OC90: variants seen among roughly 807,000 people sequenced by gnomAD.
OC90 encodes the protein otoconin 90.
OC90 carries 46 observed loss-of-function variants against 47.3 expected under a neutral mutation model. The ratio of observed to expected loss-of-function variants is 0.97; its 90% CI spans 0.77 to 1.24. The LOEUF is 1.24. Ranked by LOEUF, OC90 falls within the 50% of genes most tolerant of loss-of-function variation. The pLI is 0.00. For missense variants in OC90, 688 were observed against 583.9 expected (o/e 1.18, Z -1.84); for synonymous variants, 271 against 219.5 (o/e 1.23, Z -2.07).
At chr8:132,050,147 A>G (rs548978544) in intron 2 of OC90, among the ~76,000 whole-genome samples, 1 of 150,468 alleles carries the variant, frequency 6.6e-6, no homozygotes, top group Admixed American at 6.7e-5. Flanking sequence ...TCATTACAGA[A>G]GCTTTCTAGG....
intron 9 of OC90, 105 bp downstream of exon 9, chr8:132,037,333 C>T: frequency 2.1e-6 from 2 of 946,840 alleles, no homozygotes; most frequent in Admixed American, 2.0e-5. Flanking sequence ...CGGTGCTGTT[C>T]TTGTGATAGT....
chr8:132,025,551 A>C (rs1045686236), intron 13 of OC90, among the ~76,000 whole-genome samples: 1 of 152,222 alleles, frequency 6.6e-6, no homozygotes, highest in Non-Finnish European at 1.5e-5. Flanking sequence ...GTCATTGTGC[A>C]TGCAGTGATT....
intron 12 of OC90, among the ~76,000 whole-genome samples, chr8:132,030,233 A>G (rs1822854022): frequency 6.6e-6 from 1 of 152,222 alleles, no homozygotes; most frequent in South Asian, 2.1e-4. Context: ...ATATAAATCA[A>G]AATACTCATA....
At chr8:132,055,881 CATT>C (rs1823273926) in intron 1 of OC90, among the ~76,000 whole-genome samples, 1 of 152,008 alleles carries the variant, frequency 6.6e-6, no homozygotes, top group African/African-American at 2.4e-5. Flanking sequence ...CTAGCCAATC[CATT>C]ATATGTTTAA....
At chr8:132,051,532 C>G (rs992681475) in intron 2 of OC90, among the ~76,000 whole-genome samples, 1 of 152,168 alleles carries the variant, frequency 6.6e-6, no homozygotes, top group Admixed American at 6.5e-5. Flanking sequence ...GTTTTGTTAC[C>G]AGGAGCAAAG....
intron 3 of OC90, among the ~76,000 whole-genome samples, chr8:132,045,053 T>C (rs1823112255): frequency 6.6e-6 from 1 of 152,232 alleles, no homozygotes; most frequent in Admixed American, 6.5e-5. Context: ...CCTGCTGGCA[T>C]GCTGTGTTCC....
intron 4 of OC90, 135 bp downstream of exon 4, chr8:132,044,298 G>A (rs1823101148): frequency 4.7e-6 from 3 of 635,348 alleles, no homozygotes; most frequent in Non-Finnish European, 8.5e-6. Context: ...CGGAACTTGG[G>A]TCTCCTTGTT....
intron 13 of OC90, among the ~76,000 whole-genome samples, chr8:132,027,265 C>T (rs1020981051): frequency 6.6e-6 from 1 of 152,162 alleles, no homozygotes; most frequent in African/African-American, 2.4e-5. Flanking sequence ...CATGAAAGTT[C>T]ATTGTTTTCC....
At chr8:132,041,199 G>C (rs141312215) in intron 5 of OC90, 43 bp from the exon 6 acceptor site, 15 of 1,213,182 alleles carry the variant, frequency 1.2e-5, no homozygotes, top group Non-Finnish European at 1.6e-5. Flanking sequence ...GTGTGGGTTA[G>C]AGTGAGGGAG....
At chr8:132,041,449 G>T in intron 5 of OC90, 76 bp downstream of exon 5, 3 of 1,332,528 alleles carry the variant, frequency 2.3e-6, no homozygotes, top group Non-Finnish European at 3.1e-6. Context: ...CTGTATTTGT[G>T]CTCTTGCCAA....
intron 2 of OC90, 119 bp downstream of exon 2, chr8:132,054,862 T>G: frequency 1.7e-6 from 1 of 586,514 alleles, no homozygotes; most frequent in Non-Finnish European, 2.9e-6. Flanking sequence ...TATAGAAAGA[T>G]AAGGACATTT....
chr8:132,029,400 T>C (rs1357774074), intron 12 of OC90, among the ~76,000 whole-genome samples: 1 of 152,230 alleles, frequency 6.6e-6, no homozygotes, highest in Non-Finnish European at 1.5e-5. Context: ...GCATCACTTA[T>C]ATTGTATGCA....
intron 12 of OC90, among the ~76,000 whole-genome samples, chr8:132,029,869 AC>A (rs1822848872): frequency 6.6e-6 from 1 of 152,202 alleles, no homozygotes; most frequent in African/African-American, 2.4e-5. Context: ...ATAGGGAGCT[AC>A]AGTTGCTACC....
chr8:132,028,633 G>A (rs1210234811), intron 13 of OC90, among the ~76,000 whole-genome samples: 32 of 94,720 alleles, frequency 3.4e-4, no homozygotes, highest in African/African-American at 4.1e-4. Flanking sequence ...AAGGAAGGAA[G>A]GAAAGAAAGG....
intron 2 of OC90, among the ~76,000 whole-genome samples, chr8:132,049,097 G>A (rs756575792): frequency 4.0e-5 from 6 of 151,110 alleles, no homozygotes; most frequent in Non-Finnish European, 7.4e-5. Flanking sequence ...TAATGAAGAG[G>A]GGAAAGGGAA....
chr8:132,038,661 G>C (rs890037084), intron 8 of OC90, 129 bp downstream of exon 8: 32 of 745,876 alleles, frequency 4.3e-5, no homozygotes, highest in Non-Finnish European at 7.0e-5. Flanking sequence ...AGAGAAGGCA[G>C]GACCACTTCC....
At chr8:132,041,209 G>C (rs1823048528) in intron 5 of OC90, 53 bp from the exon 6 acceptor site, 5 of 1,100,256 alleles carry the variant, frequency 4.5e-6, no homozygotes, top group Non-Finnish European at 5.6e-6. Context: ...GAGTGAGGGA[G>C]GGCAGGCAGC....
At position 132,029,191 on chromosome 8, in the gene OC90, G is replaced by A. The variant is rs1465823579; in HGVS notation, c.1032-12C>T. 1.2e-6 allele frequency: 2 copies of A among 1,605,452 alleles called. No individual in the cohort carries two copies. Among genetic ancestry groups the A allele is most frequent in the Non-Finnish European group, 1.7e-6 (2 of 1,172,370 alleles). ...GGGACAAGCAGCACCTAAGACCAAG[G>A]AAAACCCTTTACTTCTCAGAGCTCC... On this transcript the variant is annotated splice_polypyrimidine_tract_variant and intron_variant, in intron 12 of 13. Transcript: ENST00000254627.
chr8:132,054,371 T>G (rs1429291366), intron 2 of OC90, among the ~76,000 whole-genome samples: 2 of 152,170 alleles, frequency 1.3e-5, no homozygotes, highest in African/African-American at 4.8e-5. Flanking sequence ...CACTCCATGT[T>G]TTTCCTCACA....
Sources: allele counts gnomAD v4.1 joint callset (sites outside exome capture counted in the v4.1 genomes callset), GRCh38; gene constraint gnomAD v4.1.1; transcripts MANE v1.5; gene names NCBI Gene and HGNC (gene_info 2026-07-23, HGNC 2026-07-21).